The following VAV3 variants were observed in gnomAD, a reference collection of about 807,000 sequenced individuals.
VAV3 encodes guanine nucleotide exchange factor VAV3.
A neutral mutation model predicts 131.2 loss-of-function variants in VAV3; 94 were observed. That is an observed-to-expected ratio of 0.72 (90% CI 0.61 to 0.85). The LOEUF is 0.85. Ranked by LOEUF, VAV3 falls within the 40% of genes least tolerant of loss-of-function variation. The pLI, the probability that VAV3 is intolerant of heterozygous loss-of-function variation, is 0.00. For missense variants in VAV3, 939 were observed against 1,002.7 expected (o/e 0.94, Z 0.86); for synonymous variants, 349 against 342.0 (o/e 1.02, Z -0.22).
At chr1:107,733,782 G>C (rs1313752991) in intron 15 of VAV3, among the ~76,000 whole-genome samples, 2 of 152,220 alleles carry the variant, frequency 1.3e-5, no homozygotes, top group African/African-American at 4.8e-5. Context: ...ACCTGAAAGT[G>C]ACAGGGAGAA....
intron 2 of VAV3, among the ~76,000 whole-genome samples, chr1:107,813,535 T>C (rs148994093): frequency 6.6e-6 from 1 of 152,384 alleles, no homozygotes; most frequent in Non-Finnish European, 1.5e-5. Flanking sequence ...GTTACCACCA[T>C]AGAATGGATA....
At chr1:107,643,754 T>A (rs1655524766) in intron 19 of VAV3, among the ~76,000 whole-genome samples, 1 of 152,146 alleles carries the variant, frequency 6.6e-6, no homozygotes, top group Admixed American at 6.6e-5. Context: ...AAAAGCTACA[T>A]GAAATGCTTC....
intron 1 of VAV3, among the ~76,000 whole-genome samples, chr1:107,939,456 C>G (rs541996316): frequency 6.6e-6 from 1 of 152,296 alleles, no homozygotes; most frequent in East Asian, 1.9e-4. Context: ...AAATGCTGGA[C>G]AGCGGCAGCA....
At chr1:107,710,032 A>T (rs1049200079) in intron 15 of VAV3, among the ~76,000 whole-genome samples, 1 of 152,214 alleles carries the variant, frequency 6.6e-6, no homozygotes, top group Admixed American at 6.5e-5. Context: ...AATAATACAT[A>T]TGATTTTTAA....
intron 1 of VAV3, among the ~76,000 whole-genome samples, chr1:107,913,213 A>G (rs1157769496): frequency 6.6e-6 from 1 of 152,244 alleles, no homozygotes; most frequent in South Asian, 2.1e-4. Context: ...ATCAGATTAT[A>G]CAGACAAAAA....
At chr1:107,773,689 T>A (rs1338197368) in intron 4 of VAV3, among the ~76,000 whole-genome samples, 1 of 152,134 alleles carries the variant, frequency 6.6e-6, no homozygotes, top group Non-Finnish European at 1.5e-5. Context: ...AGGGAGATGG[T>A]GATCCATATT....
chr1:107,675,365 TAG>T (rs1351618356), intron 19 of VAV3, among the ~76,000 whole-genome samples: 2 of 152,016 alleles, frequency 1.3e-5, no homozygotes, highest in South Asian at 2.1e-4. Flanking sequence ...ACTTCCATTT[TAG>T]AGATGATAAG....
chr1:107,917,681 A>C (rs1380006169), intron 1 of VAV3, among the ~76,000 whole-genome samples: 1 of 152,226 alleles, frequency 6.6e-6, no homozygotes, highest in Non-Finnish European at 1.5e-5. Flanking sequence ...AAAATGAAAA[A>C]GCCTAAGATC....
At chr1:107,626,610 T>G (rs1426522560) in intron 20 of VAV3, among the ~76,000 whole-genome samples, 4 of 152,126 alleles carry the variant, frequency 2.6e-5, no homozygotes, top group Non-Finnish European at 4.4e-5. Context: ...TAAGAGGCAG[T>G]TTAGAAGAAA....
At chr1:107,923,789 C>T (rs1482554814) in intron 1 of VAV3, among the ~76,000 whole-genome samples, 1 of 152,124 alleles carries the variant, frequency 6.6e-6, no homozygotes, top group Non-Finnish European at 1.5e-5. Context: ...CTGAGGATTA[C>T]AATTCAAGAT....
intron 2 of VAV3, among the ~76,000 whole-genome samples, chr1:107,784,405 T>C (rs181120201): frequency 2.4e-4 from 36 of 152,344 alleles, no homozygotes; most frequent in Admixed American, 9.1e-4. Flanking sequence ...AATGAGCTTT[T>C]TCAACATTTT....
intron 2 of VAV3, among the ~76,000 whole-genome samples, chr1:107,832,209 T>C (rs1410740225): frequency 6.6e-6 from 1 of 152,234 alleles, no homozygotes; most frequent in Non-Finnish European, 1.5e-5. Flanking sequence ...GCTAATGATC[T>C]AATGGACTAA....
intron 2 of VAV3, among the ~76,000 whole-genome samples, chr1:107,870,999 C>T (rs1343358995): frequency 6.6e-6 from 1 of 152,154 alleles, no homozygotes; most frequent in East Asian, 1.9e-4. Flanking sequence ...TGTGCTTCTG[C>T]ACTGTCAATG....
At chr1:107,711,897 G>A (rs1242849721) in intron 15 of VAV3, among the ~76,000 whole-genome samples, 1 of 152,134 alleles carries the variant, frequency 6.6e-6, no homozygotes, top group East Asian at 1.9e-4. Flanking sequence ...TATTGGCCAG[G>A]CTGGTCTCAA....
In VAV3 at chr1:107,704,586, CCAAA is replaced by C. The variant is rs1480521567; in HGVS notation, c.1665_1668del (p.Cys555TrpfsTer4). 3 of 1,613,846 alleles carry C rather than the reference CCAAA, an allele frequency of 1.9e-6. No homozygotes were observed. Among genetic ancestry groups the C allele is most frequent in the East Asian group, 2.2e-5 (1 of 44,862 alleles). Reference sequence around the variant, plus strand: ...ACTCTGCCACAATTGTCTACTCTTCCCAAACATTCTTTGTGTGCTCTCGCTCCAC... The same window carrying C: ...ACTCTGCCACAATTGTCTACTCTTCCCATTCTTTGTGTGCTCTCGCTCCAC... On this transcript the variant is annotated frameshift_variant, in exon 17 of 27. Transcript: ENST00000370056. LOFTEE classifies it high-confidence loss of function.
At chr1:107,930,471 G>A (rs945408037) in intron 1 of VAV3, among the ~76,000 whole-genome samples, 3 of 152,004 alleles carry the variant, frequency 2.0e-5, no homozygotes, top group African/African-American at 7.2e-5. Context: ...GTCATTACTA[G>A]AAATGACATA....
At chr1:107,827,553 C>A (rs1335968183) in intron 2 of VAV3, among the ~76,000 whole-genome samples, 1 of 152,110 alleles carries the variant, frequency 6.6e-6, no homozygotes, top group Admixed American at 6.6e-5. Context: ...TTAGCATTGC[C>A]CCAGCTGCCC....
chr1:107,575,512 G>A (rs1649584513), intron 25 of VAV3, among the ~76,000 whole-genome samples: 1 of 152,162 alleles, frequency 6.6e-6, no homozygotes, highest in African/African-American at 2.4e-5. Context: ...GAACTGTAAA[G>A]GGAGTAAAAA....
At chr1:107,715,578 A>T (rs1435117779) in intron 15 of VAV3, among the ~76,000 whole-genome samples, 2 of 152,234 alleles carry the variant, frequency 1.3e-5, no homozygotes, top group Non-Finnish European at 2.9e-5. Flanking sequence ...AAACACTGAG[A>T]ATACAACAGT....
Sources: allele counts gnomAD v4.1 joint callset (sites outside exome capture counted in the v4.1 genomes callset), GRCh38; gene constraint gnomAD v4.1.1; transcripts MANE v1.5; gene names NCBI Gene and HGNC (gene_info 2026-07-23, HGNC 2026-07-21).